The following PRELID2 variants were observed in gnomAD, a reference collection of about 807,000 sequenced individuals.
PRELID2 encodes the protein PRELI domain containing 2, also known as PRELI domain-containing protein 2.
In PRELID2, 25 loss-of-function variants were observed where a neutral mutation model predicts 28.4. The ratio of observed to expected loss-of-function variants is 0.88; its 90% confidence interval spans 0.64 to 1.23. PRELID2 has a LOEUF of 1.23. PRELID2 is among the 50% of genes most tolerant of loss of function. The pLI, the probability that PRELID2 is intolerant of heterozygous loss-of-function variation, is 0.00. For synonymous variants in PRELID2, 76 were observed against 71.6 expected, an observed-to-expected ratio of 1.06 and a Z score of -0.31; for missense variants, 201 against 214.4, an observed-to-expected ratio of 0.94 and a Z score of 0.39.
intron 1 of PRELID2, among the ~76,000 whole-genome samples, chr5:145,677,753 C>T (rs1459155033): frequency 6.6e-6 from 1 of 152,160 alleles, no homozygotes; most frequent in Non-Finnish European, 1.5e-5. Flanking sequence ...CCATTCACCT[C>T]AAGCACTGGG....
chr5:145,664,868 C>T (rs1440185254), intron 1 of PRELID2, among the ~76,000 whole-genome samples: 1 of 152,098 alleles, frequency 6.6e-6, no homozygotes, highest in East Asian at 1.9e-4. Context: ...TCTCATTTCA[C>T]AGCAGCTGCC....
intron 5 of PRELID2, among the ~76,000 whole-genome samples, chr5:145,780,079 G>A (rs141586542): frequency 1.1e-4 from 16 of 152,296 alleles, no homozygotes; most frequent in African/African-American, 2.9e-4. Context: ...TTGGGAGGCC[G>A]AGGCAGGTGG....
At chr5:145,776,242 G>C (rs1331362591) in intron 5 of PRELID2, among the ~76,000 whole-genome samples, 1 of 152,210 alleles carries the variant, frequency 6.6e-6, no homozygotes, top group African/African-American at 2.4e-5. Flanking sequence ...TCTTTGTCCA[G>C]GATATCCACA....
the PRELID2 span, among the ~76,000 whole-genome samples, chr5:145,272,878 A>C: frequency 6.6e-6 from 1 of 152,192 alleles, no homozygotes; most frequent in Non-Finnish European, 1.5e-5. Flanking sequence ...AGACCTCACA[A>C]ATGGAAAGCT....
At chr5:145,421,255 G>A in the PRELID2 span, among the ~76,000 whole-genome samples, 25 of 147,896 alleles carry the variant, frequency 1.7e-4, no homozygotes, top group Middle Eastern at 7.0e-3. Context: ...CATAAAATGA[G>A]TTAGGGAGGA....
At chr5:145,643,579 T>C (rs1474399741) in intron 1 of PRELID2, among the ~76,000 whole-genome samples, 2 of 152,192 alleles carry the variant, frequency 1.3e-5, no homozygotes, top group Admixed American at 1.3e-4. Context: ...GAGGGCATTC[T>C]TGCCTTGTGC....
In PRELID2 at chr5:145,757,240, C is replaced by T. The variant is rs775666848; in HGVS notation, c.*3296G>A. 1.3e-5 allele frequency among the ~76,000 whole-genome samples: 2 copies of T among 152,164 alleles called. No homozygotes were observed. The highest frequency in any genetic ancestry group is 2.9e-5 in the Non-Finnish European group (2 of 68,028). On this transcript the variant is annotated 3_prime_UTR_variant, in exon 7 of 7. Coordinates refer to ENST00000683046, the MANE Select transcript of PRELID2 (RefSeq NM_205846.3). Reference sequence around the variant, plus strand: ...TAGAAAAAGAATACAGCACCTTTTTCATCCATATATGACTGAAACTATAAA... The same window carrying T: ...TAGAAAAAGAATACAGCACCTTTTTTATCCATATATGACTGAAACTATAAA...
the PRELID2 span, among the ~76,000 whole-genome samples, chr5:145,414,698 T>C: frequency 1.3e-5 from 2 of 152,196 alleles, no homozygotes; most frequent in African/African-American, 4.8e-5. Flanking sequence ...ATCAGAGTAG[T>C]GTTCTCCTAT....
intron 5 of PRELID2, among the ~76,000 whole-genome samples, chr5:145,783,267 G>C (rs1751754878): frequency 6.6e-6 from 1 of 152,208 alleles, no homozygotes; most frequent in East Asian, 1.9e-4. Flanking sequence ...ATTCAAATGA[G>C]CCATCAAGGG....
intron 1 of PRELID2, among the ~76,000 whole-genome samples, chr5:145,475,870 T>A (rs1752096042): frequency 6.6e-6 from 1 of 152,200 alleles, no homozygotes; most frequent in South Asian, 2.1e-4. Flanking sequence ...TATAAAATAT[T>A]TTCCCATGTG....
At chr5:145,476,124 T>A (rs1009369092) in intron 1 of PRELID2, among the ~76,000 whole-genome samples, 4 of 152,180 alleles carry the variant, frequency 2.6e-5, no homozygotes, top group Non-Finnish European at 2.9e-5. Flanking sequence ...CAATTTAGTA[T>A]CTCTGAACAA....
At chr5:145,569,399 T>C (rs1424099973) in intron 1 of PRELID2, among the ~76,000 whole-genome samples, 1 of 152,218 alleles carries the variant, frequency 6.6e-6, no homozygotes, top group Non-Finnish European at 1.5e-5. Context: ...TATAACATAA[T>C]TATGTTGCTA....
intron 5 of PRELID2, among the ~76,000 whole-genome samples, chr5:145,789,836 A>C (rs1752247453): frequency 6.6e-6 from 1 of 152,184 alleles, no homozygotes; most frequent in Non-Finnish European, 1.5e-5. Flanking sequence ...GCAAAGAACC[A>C]GACAGCTATT....
At chr5:145,241,886 A>T in the PRELID2 span, among the ~76,000 whole-genome samples, 3 of 152,094 alleles carry the variant, frequency 2.0e-5, no homozygotes, top group African/African-American at 7.2e-5. Flanking sequence ...CAGCTGAGAA[A>T]ATCCAGGAGG....
chr5:145,357,519 G>A, the PRELID2 span, among the ~76,000 whole-genome samples: 1 of 152,030 alleles, frequency 6.6e-6, no homozygotes, highest in East Asian at 1.9e-4. Context: ...TCCTCAGCTT[G>A]GTCAATTCTC....
chr5:145,337,686 AATATATATATATAT>A, the PRELID2 span, among the ~76,000 whole-genome samples: 3,747 of 79,890 alleles, frequency 0.047, 195 homozygotes, highest in East Asian at 0.18. Context: ...GCATAGGGCA[AATATATATATATAT>A]ATATATATAT....
At chr5:145,424,608 G>A in the PRELID2 span, among the ~76,000 whole-genome samples, 17 of 152,182 alleles carry the variant, frequency 1.1e-4, no homozygotes, top group East Asian at 2.5e-3. Flanking sequence ...CGCACGGTGC[G>A]CGCACCCACT....
Position 145,715,920 on chromosome 5 carries a change from GTTTA to G in PRELID2, n.70+49007_70+49010del, listed in dbSNP as rs369403744. Among the ~76,000 whole-genome samples the G allele has an allele frequency of 1.2e-4, 18 of 152,208 alleles. 1 individual carries two copies. The highest frequency in any genetic ancestry group is 4.3e-4 in the African/African-American group (18 of 41,524). ...GGCAAGTATCATTATCTATTTTCTT[GTTTA>G]TTTATTTGTTTAGGTCTAACCAAGC... On this transcript the variant is annotated intron_variant and non_coding_transcript_variant, in intron 1 of 2. Transcript: ENST00000510259.
intron 1 of PRELID2, among the ~76,000 whole-genome samples, chr5:145,588,083 T>A (rs1753178075): frequency 6.6e-6 from 1 of 152,192 alleles, no homozygotes; most frequent in South Asian, 2.1e-4. Context: ...GCAGCCCCAC[T>A]GATGTTTAAT....
Sources: allele counts gnomAD v4.1 joint callset (sites outside exome capture counted in the v4.1 genomes callset), GRCh38; gene constraint gnomAD v4.1.1; transcripts MANE v1.5; gene names NCBI Gene and HGNC (gene_info 2026-07-23, HGNC 2026-07-21).